TCTN3: variants seen among roughly 807,000 people sequenced by gnomAD.
TCTN3 encodes the protein tectonic-3.
TCTN3 carries 57 observed loss-of-function variants against 71.3 expected under a neutral mutation model. That is an observed-to-expected ratio of 0.80 (90% CI 0.65 to 1.00). TCTN3 has a LOEUF of 1.00. Among genes scored for constraint, TCTN3 ranks in the 50% least tolerant of loss-of-function variants. The pLI is 0.00. For missense variants in TCTN3, 696 were observed against 719.9 expected (o/e 0.97, Z 0.38); for synonymous variants, 258 against 267.8 (o/e 0.96, Z 0.36).
At chr10:95,679,550 T>C (rs1242019947) in intron 13 of TCTN3, among the ~76,000 whole-genome samples, 1 of 151,852 alleles carries the variant, frequency 6.6e-6, no homozygotes, top group Non-Finnish European at 1.5e-5. Flanking sequence ...TGCCAGTTTA[T>C]ATGTGAATAA....
intron 13 of TCTN3, 63 bp from the exon 14 acceptor site, chr10:95,664,363 G>T: frequency 7.3e-7 from 1 of 1,364,780 alleles, no homozygotes; most frequent in Non-Finnish European, 1.0e-6. Context: ...ACTCTAACTT[G>T]GCTGTTATTA....
Position 95,680,549 on chromosome 10 carries a change from C to T in TCTN3, c.1513G>A (p.Ala505Thr), listed in dbSNP as rs376520003. The T allele has an allele frequency of 2.5e-6, 4 of 1,614,014 alleles. No individual in the cohort carries two copies. The highest frequency in any genetic ancestry group is 3.4e-6 in the Non-Finnish European group (4 of 1,180,022). The change falls in exon 13 of 14, where the codon GCA (alanine) becomes ACA (threonine). Residue 505 changes from alanine (A) to threonine (T), a missense_variant. Physicochemically the swap from Ala to Thr is moderately conservative, Grantham distance 58. Coordinates refer to ENST00000371217, the MANE Select transcript of TCTN3 (RefSeq NM_015631.6). ...PVSLEIQVLW[A>T]YVGLLSNPQA... ...GGGTTGGACAGGAGACCTACATATGCCCACAATACCTGGATCTCCAGGGAA... is the reference window on the plus strand; with the variant it reads ...GGGTTGGACAGGAGACCTACATATGTCCACAATACCTGGATCTCCAGGGAA...
At chr10:95,664,672 G>A (rs2097924264) in intron 13 of TCTN3, among the ~76,000 whole-genome samples, 1 of 152,230 alleles carries the variant, frequency 6.6e-6, no homozygotes. Flanking sequence ...AGTGAAAGTA[G>A]TAGTAGCAAT....
intron 13 of TCTN3, among the ~76,000 whole-genome samples, chr10:95,673,729 C>G (rs1428500933): frequency 3.9e-5 from 6 of 151,972 alleles, no homozygotes; most frequent in Non-Finnish European, 7.4e-5. Flanking sequence ...GTCCTAGCTA[C>G]CTCGGGAGGC....
chr10:95,679,459 T>G (rs1321828045), intron 13 of TCTN3, among the ~76,000 whole-genome samples: 1 of 152,224 alleles, frequency 6.6e-6, no homozygotes, highest in Non-Finnish European at 1.5e-5. Flanking sequence ...TCAAGTTTAC[T>G]TTATTTCTGG....
chr10:95,668,235 T>TA, intron 13 of TCTN3, among the ~76,000 whole-genome samples: 1 of 104,888 alleles, frequency 9.5e-6, no homozygotes. Context: ...AGCGACACCC[T>TA]AACAGATTAA....
chr10:95,669,610 C>T (rs1346514206), intron 13 of TCTN3, among the ~76,000 whole-genome samples: 1 of 152,142 alleles, frequency 6.6e-6, no homozygotes, highest in Non-Finnish European at 1.5e-5. Flanking sequence ...ATCTGCTTCA[C>T]CTCTCTATAA....
chr10:95,685,290 C>A (rs2097947161), intron 8 of TCTN3, among the ~76,000 whole-genome samples: 1 of 152,292 alleles, frequency 6.6e-6, no homozygotes, highest in East Asian at 1.9e-4. Context: ...ATGGAAATAA[C>A]TGAAACGTGG....
chr10:95,685,689 G>T, intron 7 of TCTN3, 53 bp from the exon 8 acceptor site: 2 of 1,369,146 alleles, frequency 1.5e-6, no homozygotes, highest in Non-Finnish European at 2.0e-6. Context: ...ATTTTGTCTT[G>T]TATCTATTAA....
chr10:95,693,403 A>G lies in TCTN3; in HGVS notation c.330T>C (p.Tyr110=). The change falls in exon 2 of 14, where the codon TAT becomes TAC. Residue 110 remains tyrosine (Y), a synonymous_variant. Coordinates refer to ENST00000371217, the MANE Select transcript of TCTN3 (RefSeq NM_015631.6). ...AGAAAACTGTCCTCGGATGGAGAAG[A>G]TAGCAGTCCCTGTCGCAGCAGCAAT... is the stretch of plus-strand genomic sequence containing the variant. ...DINCCCDRDC[Y]LLHPRTVFSF... is the part of the protein sequence containing the mutation. The G allele has an allele frequency of 6.4e-7, 1 of 1,551,980 alleles. No homozygotes were observed. The highest frequency in any genetic ancestry group is 8.7e-7 in the Non-Finnish European group (1 of 1,147,046).
At chr10:95,676,845 C>G (rs2097937670) in intron 13 of TCTN3, among the ~76,000 whole-genome samples, 2 of 152,130 alleles carry the variant, frequency 1.3e-5, no homozygotes, top group Admixed American at 1.3e-4. Context: ...GTACCAGGAA[C>G]TGTGCTGTTT....
chr10:95,665,482 T>C (rs935160108), intron 13 of TCTN3, among the ~76,000 whole-genome samples: 1 of 152,152 alleles, frequency 6.6e-6, no homozygotes, highest in African/African-American at 2.4e-5. Context: ...GGTTTCACCA[T>C]GTTGGCTGGG....
At chr10:95,675,952 A>G (rs74150982) in intron 13 of TCTN3, among the ~76,000 whole-genome samples, 2,396 of 152,324 alleles carry the variant, frequency 0.016, 60 homozygotes, top group African/African-American at 0.055. Flanking sequence ...GCATTCTTCT[A>G]GTAAGTCAAT....
intron 12 of TCTN3, among the ~76,000 whole-genome samples, chr10:95,682,450 T>A (rs1259174168): frequency 6.6e-6 from 1 of 151,258 alleles, no homozygotes; most frequent in Non-Finnish European, 1.5e-5. Context: ...ACCGAGATCA[T>A]GCCACCACAC....
rs1256229960 is a variant in TCTN3 at position 95,687,717 on chromosome 10, T to C, written c.502A>G (p.Asn168Asp). The change falls in exon 4 of 14, where the codon AAC becomes GAC. Residue 168 changes from asparagine to aspartate, a missense_variant and splice_region_variant. Physicochemically the swap from Asn to Asp is conservative, Grantham distance 23 (BLOSUM62 1). Transcript: ENST00000371217. ...RQFCVHVNNS[N>D]LNYFQKLQKV... ...TGAAGCTTCTGGAAATAGTTTAAGT[T>C]TGCTAAAATGTTTTTTAAAAGAAAA... 2.5e-6 allele frequency: 4 copies of C among 1,608,480 alleles called. No individual in the cohort carries two copies. Among genetic ancestry groups the C allele is most frequent in the Non-Finnish European group, 3.4e-6 (4 of 1,178,700 alleles).
chr10:95,675,292 C>T (rs2097935871), intron 13 of TCTN3, among the ~76,000 whole-genome samples: 1 of 151,960 alleles, frequency 6.6e-6, no homozygotes, highest in Admixed American at 6.6e-5. Context: ...AGGGTTTTGC[C>T]GTTTTGGCCA....
At chr10:95,693,278 C>T (rs1367055523) in intron 2 of TCTN3, 75 bp downstream of exon 2, 1 of 1,538,072 alleles carries the variant, frequency 6.5e-7, no homozygotes, top group Admixed American at 2.1e-5. Context: ...CAAAGACTAA[C>T]TCTTCTTACA....
At chr10:95,688,397 GAAAAAAAAAA>G (rs60722894) in intron 3 of TCTN3, among the ~76,000 whole-genome samples, 26 of 104,576 alleles carry the variant, frequency 2.5e-4, no homozygotes, top group East Asian at 8.8e-4. Context: ...TCAAAAAAAA[GAAAAAAAAAA>G]AAAAAAAAAA....
chr10:95,674,380 GTAAATAA>G (rs1352386686), intron 13 of TCTN3, among the ~76,000 whole-genome samples: 28 of 151,724 alleles, frequency 1.8e-4, no homozygotes, highest in Non-Finnish European at 3.2e-4. Flanking sequence ...TACAAAAGCA[GTAAATAA>G]TAAAGTTAAA....
Sources: allele counts gnomAD v4.1 joint callset (sites outside exome capture counted in the v4.1 genomes callset), GRCh38; gene constraint gnomAD v4.1.1; transcripts MANE v1.5; gene names NCBI Gene and HGNC (gene_info 2026-07-23, HGNC 2026-07-21).